The following CPNE4 variants were observed in gnomAD, a reference collection of about 807,000 sequenced individuals.
CPNE4 encodes copine-4.
Under a neutral mutation model 67.9 loss-of-function variants are expected in CPNE4, and 25 were observed. The ratio of observed to expected loss-of-function variants is 0.37; its 90% CI spans 0.27 to 0.51. The LOEUF is 0.51. CPNE4 is among the 20% of genes least tolerant of loss of function. The probability of loss-of-function intolerance (pLI) is 0.93; values close to 1 mark genes in which losing one functional copy is unlikely to be tolerated. For synonymous variants in CPNE4, 242 were observed against 244.9 expected (o/e 0.99, Z 0.11); for missense variants, 464 against 690.8 (o/e 0.67, Z 3.68).
intron 3 of CPNE4, among the ~76,000 whole-genome samples, chr3:131,701,036 T>C (rs958003388): frequency 2.1e-5 from 3 of 140,918 alleles, no homozygotes; most frequent in African/African-American, 8.0e-5. Flanking sequence ...TAGGTGGGAA[T>C]TGAACAATGA....
chr3:131,642,673 A>G (rs2079568882), intron 7 of CPNE4, among the ~76,000 whole-genome samples: 1 of 152,110 alleles, frequency 6.6e-6, no homozygotes. Context: ...TTCTCATAAT[A>G]GTGAGAAAAT....
intron 2 of CPNE4, among the ~76,000 whole-genome samples, chr3:131,875,448 T>C (rs946286079): frequency 5.3e-5 from 8 of 152,022 alleles, no homozygotes; most frequent in Non-Finnish European, 1.2e-4. Context: ...CCAACAATGA[T>C]AGACTGGATT....
At chr3:131,537,986 T>A (rs1935257406) in intron 15 of CPNE4, among the ~76,000 whole-genome samples, 2 of 152,192 alleles carry the variant, frequency 1.3e-5, no homozygotes, top group Non-Finnish European at 1.5e-5. Context: ...AGCAGCATCC[T>A]TGGCCTCTAC....
At chr3:131,587,237 T>G (rs1433079422) in intron 8 of CPNE4, among the ~76,000 whole-genome samples, 1 of 152,212 alleles carries the variant, frequency 6.6e-6, no homozygotes, top group Non-Finnish European at 1.5e-5. Flanking sequence ...AGAAATACTC[T>G]CATCTAACCT....
chr3:131,977,802 C>G (rs55724324), intron 1 of CPNE4, among the ~76,000 whole-genome samples: 16,376 of 151,356 alleles, frequency 0.11, 2,949 homozygotes, highest in African/African-American at 0.37. Flanking sequence ...TACACTGCAC[C>G]ATATTTGTAG....
intron 3 of CPNE4, among the ~76,000 whole-genome samples, chr3:131,722,453 G>A (rs559415870): frequency 8.6e-5 from 11 of 127,206 alleles, no homozygotes; most frequent in South Asian, 5.1e-4. Context: ...ACCCCCCCAC[G>A]TTTGTTCTGA....
chr3:131,938,369 A>G (rs1284559123), intron 1 of CPNE4, among the ~76,000 whole-genome samples: 1 of 152,098 alleles, frequency 6.6e-6, no homozygotes, highest in East Asian at 1.9e-4. Context: ...AAAAAAAATC[A>G]TTAAAAAAAT....
At chr3:131,934,451 A>T (rs1343657407) in intron 1 of CPNE4, among the ~76,000 whole-genome samples, 1 of 152,194 alleles carries the variant, frequency 6.6e-6, no homozygotes, top group African/African-American at 2.4e-5. Flanking sequence ...TCTGTGATAC[A>T]TGTACAGAAC....
intron 7 of CPNE4, among the ~76,000 whole-genome samples, chr3:131,648,999 T>C (rs750651994): frequency 3.9e-5 from 6 of 152,202 alleles, no homozygotes; most frequent in Non-Finnish European, 8.8e-5. Flanking sequence ...AGCATTTTCC[T>C]CCTTAACTCT....
At chr3:131,644,013 T>C (rs1055999823) in intron 7 of CPNE4, among the ~76,000 whole-genome samples, 7 of 152,170 alleles carry the variant, frequency 4.6e-5, no homozygotes, top group African/African-American at 1.7e-4. Context: ...CAGTGCCCAT[T>C]TAATAGCCTT....
Position 131,679,526 on chromosome 3 carries a change from T to C in CPNE4, c.591+6349A>G, listed in dbSNP as rs145019478. On this transcript the variant is annotated intron_variant, in intron 6 of 15. Transcript: ENST00000429747. ...TTCTTTCAGTTGTGATGTTAGGTTG[T>C]TAACTTGAGATCTTTCTAGCTTTTT... Among the ~76,000 whole-genome samples, 1,487 of 152,268 alleles carry C rather than the reference T, an allele frequency of 9.8e-3. 10 individuals carry two copies. Among genetic ancestry groups the C allele is most frequent in the Non-Finnish European group, 0.015 (1,020 of 68,008 alleles).
intron 1 of CPNE4, among the ~76,000 whole-genome samples, chr3:131,946,357 T>C (rs141049053): frequency 1.3e-5 from 2 of 152,362 alleles, no homozygotes; most frequent in East Asian, 3.9e-4. Flanking sequence ...CAGTACTTTA[T>C]TCCTTTTTAT....
At chr3:131,669,495 A>G (rs1262419668) in intron 7 of CPNE4, among the ~76,000 whole-genome samples, 180 bp downstream of exon 7, 1 of 152,162 alleles carries the variant, frequency 6.6e-6, no homozygotes, top group Non-Finnish European at 1.5e-5. Flanking sequence ...GCTTTCACAT[A>G]AGCTTCAATG....
intron 2 of CPNE4, among the ~76,000 whole-genome samples, chr3:131,776,945 C>T (rs566398887): frequency 2.0e-5 from 3 of 152,210 alleles, no homozygotes; most frequent in Admixed American, 6.5e-5. Flanking sequence ...CAATTCATTA[C>T]GTTATATATC....
intron 1 of CPNE4, among the ~76,000 whole-genome samples, chr3:131,939,704 A>C (rs941669455): frequency 1.3e-5 from 2 of 152,096 alleles, no homozygotes; most frequent in Non-Finnish European, 2.9e-5. Flanking sequence ...CTTACAAAGC[A>C]CTTACTCGGT....
At chr3:131,842,877 C>T (rs1167819368) in intron 2 of CPNE4, among the ~76,000 whole-genome samples, 3 of 151,998 alleles carry the variant, frequency 2.0e-5, no homozygotes, top group African/African-American at 4.8e-5. Flanking sequence ...AAGTGTTCCA[C>T]GATAGGAAAA....
At chr3:131,695,147 T>G (rs1027116909) in intron 5 of CPNE4, among the ~76,000 whole-genome samples, 17 of 152,170 alleles carry the variant, frequency 1.1e-4, no homozygotes, top group African/African-American at 3.6e-4. Context: ...CAGTCCAAAC[T>G]GGAGCAAAGG....
At chr3:132,001,557 A>G (rs1330067171) in intron 1 of CPNE4, among the ~76,000 whole-genome samples, 14 of 70,578 alleles carry the variant, frequency 2.0e-4, no homozygotes, top group African/African-American at 7.4e-4. Context: ...AAAAAAGAGA[A>G]AGAAAGAAAG....
chr3:131,552,539 A>G, intron 12 of CPNE4, 48 bp from the exon 13 acceptor site: 1 of 1,522,772 alleles, frequency 6.6e-7, no homozygotes, highest in Non-Finnish European at 9.1e-7. Context: ...AAGAATTACA[A>G]CTTTAATCCA....
Sources: gnomAD v4.1 joint callset for allele counts (sites outside exome capture counted in the v4.1 genomes callset) on GRCh38, gnomAD v4.1.1 for gene constraint, MANE v1.5 for transcripts, NCBI Gene and HGNC (gene_info 2026-07-23, HGNC 2026-07-21) for gene names.